IQCK: variants seen among roughly 807,000 people sequenced by gnomAD.
IQCK encodes IQ domain-containing protein K.
IQCK carries 29 observed loss-of-function variants against 28.1 expected under a neutral mutation model. The observed-to-expected ratio is 1.03, with a 90% CI of 0.77 to 1.41. The LOEUF is 1.41. Ranked by LOEUF, IQCK falls within the 40% of genes most tolerant of loss-of-function variation. IQCK has a pLI of 0.00. For synonymous variants in IQCK, 113 were observed against 115.1 expected, an observed-to-expected ratio of 0.98 and a Z score of 0.12; for missense variants, 359 against 314.7, an observed-to-expected ratio of 1.14 and a Z score of -1.07.
intron 9 of IQCK, among the ~76,000 whole-genome samples, chr16:19,836,595 C>G (rs985588936): frequency 6.6e-5 from 10 of 152,178 alleles, no homozygotes; most frequent in South Asian, 2.1e-4. Flanking sequence ...CTCACTGCAA[C>G]CTCCGCCTCC....
At chr16:19,804,423 G>T (rs993614897) in intron 7 of IQCK, among the ~76,000 whole-genome samples, 2 of 151,922 alleles carry the variant, frequency 1.3e-5, no homozygotes, top group Non-Finnish European at 2.9e-5. Flanking sequence ...GTATGTGTGT[G>T]TGTGGTGGTT....
In IQCK at chr16:19,754,595, A is replaced by G. The variant is rs578257502; in HGVS notation, c.475-9253A>G. Among the ~76,000 whole-genome samples the G allele has an allele frequency of 4.6e-5, 7 of 152,148 alleles. No homozygotes were observed. The South Asian group carries it at 6.2e-4, about 14-fold the overall frequency. Reference sequence around the variant, plus strand: ...TGATCTCACGACACAAAAATTTGCTACTACGAATAATTCTGTAAAATTACA... The same window carrying G: ...TGATCTCACGACACAAAAATTTGCTGCTACGAATAATTCTGTAAAATTACA... On this transcript the variant is annotated intron_variant, in intron 4 of 7. Coordinates refer to ENST00000564186, the Ensembl canonical transcript of IQCK.
chr16:19,774,555 A>G (rs2055364983), intron 6 of IQCK, among the ~76,000 whole-genome samples: 1 of 151,828 alleles, frequency 6.6e-6, no homozygotes, highest in African/African-American at 2.4e-5. Flanking sequence ...AATTTTTTGT[A>G]GATTTCACCA....
At chr16:19,821,680 C>T (rs570519520) in intron 7 of IQCK, among the ~76,000 whole-genome samples, 14 of 151,880 alleles carry the variant, frequency 9.2e-5, no homozygotes, top group South Asian at 2.1e-4. Flanking sequence ...GGTGACAGAA[C>T]GAGACTCCGT....
intron 7 of IQCK, among the ~76,000 whole-genome samples, chr16:19,807,971 T>C (rs1466081772): frequency 6.6e-6 from 1 of 152,188 alleles, no homozygotes; most frequent in Non-Finnish European, 1.5e-5. Context: ...TAATTCCCTG[T>C]CAAAGAAAAT....
At chr16:19,812,404 T>C (rs1466254207) in intron 7 of IQCK, among the ~76,000 whole-genome samples, 2 of 152,216 alleles carry the variant, frequency 1.3e-5, no homozygotes, top group African/African-American at 2.4e-5. Flanking sequence ...TTGTAAACTA[T>C]AGCCCACAGA....
intron 1 of IQCK, among the ~76,000 whole-genome samples, chr16:19,720,959 C>T (rs531510326): frequency 2.8e-4 from 42 of 151,824 alleles, no homozygotes; most frequent in African/African-American, 9.7e-4. Flanking sequence ...TTGCAATGAC[C>T]TGAGATCGTG....
chr16:19,786,926 A>G (rs2055571511), intron 6 of IQCK, among the ~76,000 whole-genome samples: 1 of 78,688 alleles, frequency 1.3e-5, no homozygotes, highest in African/African-American at 1.6e-4. Flanking sequence ...GAAGAAATGG[A>G]AGAATCCCCT....
intron 4 of IQCK, among the ~76,000 whole-genome samples, chr16:19,750,752 G>A (rs536765991): frequency 1.3e-5 from 2 of 152,062 alleles, no homozygotes; most frequent in Non-Finnish European, 2.9e-5. Flanking sequence ...GTGAGCCACC[G>A]CACCCAGCCG....
chr16:19,837,056 AATT>A (rs1431190352), intron 9 of IQCK, among the ~76,000 whole-genome samples: 1 of 152,188 alleles, frequency 6.6e-6, no homozygotes, highest in African/African-American at 2.4e-5. Flanking sequence ...AATAAATGAT[AATT>A]ATTATTAATT....
chr16:19,748,588 G>A (rs1029541726), intron 4 of IQCK, among the ~76,000 whole-genome samples: 2 of 152,128 alleles, frequency 1.3e-5, no homozygotes, highest in African/African-American at 2.4e-5. Flanking sequence ...TCCTATTAGC[G>A]TTTCTCTTGG....
At chr16:19,837,711 G>A (rs1468493350) in intron 9 of IQCK, among the ~76,000 whole-genome samples, 1 of 152,198 alleles carries the variant, frequency 6.6e-6, no homozygotes, top group Non-Finnish European at 1.5e-5. Flanking sequence ...TACAGCAGTG[G>A]TTCTCAATGC....
At chr16:19,755,509 A>T (rs1036911876) in intron 4 of IQCK, among the ~76,000 whole-genome samples, 4 of 152,330 alleles carry the variant, frequency 2.6e-5, no homozygotes, top group African/African-American at 9.6e-5. Context: ...CAGAGAAAGG[A>T]GGACAGAGAA....
intron 1 of IQCK, among the ~76,000 whole-genome samples, chr16:19,722,470 T>A (rs1263467887): frequency 6.6e-6 from 1 of 152,204 alleles, no homozygotes; most frequent in East Asian, 1.9e-4. Flanking sequence ...CATGACCCTA[T>A]ATCCTCTTCC....
In IQCK at chr16:19,763,840, C is replaced by G; in HGVS notation, c.475-8C>G. The G allele has an allele frequency of 2.5e-6, 4 of 1,605,558 alleles. No homozygotes were observed. Among genetic ancestry groups the G allele is most frequent in the Non-Finnish European group, 3.4e-6 (4 of 1,172,322 alleles). On this transcript the variant is annotated splice_polypyrimidine_tract_variant and splice_region_variant and intron_variant, in intron 4 of 7. Transcript: ENST00000564186. ...CAGTTGTAATTTAATTATCTCTTCT[C>G]TCTTCAGAGGAAAAGAACCAAATTC...
chr16:19,754,513 A>G (rs549159356), intron 4 of IQCK, among the ~76,000 whole-genome samples: 43 of 152,292 alleles, frequency 2.8e-4, no homozygotes, highest in Non-Finnish European at 5.4e-4. Context: ...AGTGAAGACT[A>G]TTGTAGACCA....
chr16:19,854,126 C>G (rs1243989958), intron 9 of IQCK, among the ~76,000 whole-genome samples: 1 of 152,252 alleles, frequency 6.6e-6, no homozygotes, highest in Non-Finnish European at 1.5e-5. Context: ...TACTGATGCC[C>G]AGGCCCCAGG....
At chr16:19,731,818 G>A (rs1246233367) in intron 2 of IQCK, among the ~76,000 whole-genome samples, 1 of 152,198 alleles carries the variant, frequency 6.6e-6, no homozygotes, top group Non-Finnish European at 1.5e-5. Context: ...GAGAACCAGG[G>A]AAGCTGGTAG....
chr16:19,757,369 C>T (rs1012499184), intron 4 of IQCK, among the ~76,000 whole-genome samples: 1 of 152,134 alleles, frequency 6.6e-6, no homozygotes, highest in Non-Finnish European at 1.5e-5. Flanking sequence ...TGGATTGAAC[C>T]GCTGTTAATT....
Sources: gnomAD v4.1 joint callset for allele counts (sites outside exome capture counted in the v4.1 genomes callset) on GRCh38, gnomAD v4.1.1 for gene constraint, MANE v1.5 for transcripts, NCBI Gene and HGNC (gene_info 2026-07-23, HGNC 2026-07-21) for gene names.